The following SIPA1L1 variants were observed in gnomAD, a reference collection of about 807,000 sequenced individuals.
The protein encoded by SIPA1L1 is signal induced proliferation associated 1 like 1.
SIPA1L1 carries 26 observed loss-of-function variants against 162.7 expected under a neutral mutation model. That is an observed-to-expected ratio of 0.16 (90% confidence interval 0.12 to 0.22). SIPA1L1 has a LOEUF of 0.22. Ranked by LOEUF, SIPA1L1 falls within the 10% of genes least tolerant of loss-of-function variation. The pLI, the probability that SIPA1L1 is intolerant of heterozygous loss-of-function variation, is 1.00. For synonymous variants in SIPA1L1, 829 were observed against 837.4 expected (o/e 0.99, Z 0.17); for missense variants, 1,874 against 2,241.0 (o/e 0.84, Z 3.31).
At chr14:71,496,609 CA>C (rs1189331546) in intron 2 of SIPA1L1, among the ~76,000 whole-genome samples, 1 of 152,142 alleles carries the variant, frequency 6.6e-6, no homozygotes, top group East Asian at 1.9e-4. Flanking sequence ...TCAGTTAAGT[CA>C]GTATGGTTAA....
chr14:71,598,086 CA>C (rs574850989), intron 5 of SIPA1L1: 26 of 406,502 alleles, frequency 6.4e-5, no homozygotes, highest in African/African-American at 5.2e-4. Context: ...TGTTATACTC[CA>C]GACACTGAAT....
chr14:71,577,221 C>T (rs1248528287), intron 4 of SIPA1L1, among the ~76,000 whole-genome samples: 4 of 152,086 alleles, frequency 2.6e-5, no homozygotes, highest in Non-Finnish European at 5.9e-5. Flanking sequence ...TCCATATCCA[C>T]AGGATATAGA....
chr14:71,348,110 T>G (rs955860395), intron 2 of SIPA1L1, among the ~76,000 whole-genome samples: 7 of 152,144 alleles, frequency 4.6e-5, no homozygotes, highest in African/African-American at 1.4e-4. Context: ...TTAAAAAAAT[T>G]TTTGGAAGTA....
chr14:71,472,537 T>G (rs1486021619), intron 2 of SIPA1L1, among the ~76,000 whole-genome samples: 1 of 152,044 alleles, frequency 6.6e-6, no homozygotes, highest in Non-Finnish European at 1.5e-5. Context: ...TTGAAAGTTG[T>G]CATGATGCTT....
intron 10 of SIPA1L1, among the ~76,000 whole-genome samples, chr14:71,663,234 CAT>C (rs1172095483): frequency 1.6e-4 from 25 of 152,138 alleles, no homozygotes; most frequent in Non-Finnish European, 3.2e-4. Flanking sequence ...CATGAATTAA[CAT>C]GTGATTTCAG....
chr14:71,343,335 AGGCGCT>A (rs2035842940), intron 2 of SIPA1L1, among the ~76,000 whole-genome samples: 1 of 152,180 alleles, frequency 6.6e-6, no homozygotes, highest in Admixed American at 6.5e-5. Context: ...GTTTCATGTC[AGGCGCT>A]GGCTGTGGAT....
At chr14:71,672,648 C>T (rs758128540) in intron 12 of SIPA1L1, 26 bp downstream of exon 12, 1 of 1,605,656 alleles carries the variant, frequency 6.2e-7, no homozygotes, top group East Asian at 2.2e-5. Flanking sequence ...CAGCTGTGGG[C>T]CTGAGACTCG....
chr14:71,597,284 T>C (rs535787135), intron 5 of SIPA1L1, among the ~76,000 whole-genome samples: 95 of 152,286 alleles, frequency 6.2e-4, no homozygotes, highest in African/African-American at 2.2e-3. Flanking sequence ...ACCCGCCTTA[T>C]AGTTATCTTT....
chr14:71,578,153 C>A (rs1420541970), intron 4 of SIPA1L1, among the ~76,000 whole-genome samples: 1 of 152,052 alleles, frequency 6.6e-6, no homozygotes, highest in African/African-American at 2.4e-5. Context: ...TCATGATCTG[C>A]CCACCTTGGC....
At chr14:71,330,710 C>G (rs1318745370) in intron 2 of SIPA1L1, 11 of 879,986 alleles carry the variant, frequency 1.3e-5, no homozygotes, top group South Asian at 3.9e-5. Context: ...TTCTCATAGG[C>G]AGGCAGGAAA....
chr14:71,703,031 G>T (rs944386363), intron 15 of SIPA1L1, among the ~76,000 whole-genome samples: 3 of 152,200 alleles, frequency 2.0e-5, no homozygotes, highest in African/African-American at 7.2e-5. Context: ...GGGTGGAAGA[G>T]ATTTGCATTG....
chr14:71,615,948 A>G (rs1289818177), intron 5 of SIPA1L1, among the ~76,000 whole-genome samples: 2 of 152,216 alleles, frequency 1.3e-5, no homozygotes, highest in Non-Finnish European at 1.5e-5. Context: ...GTGAGCCAAG[A>G]TCACACCACT....
intron 7 of SIPA1L1, among the ~76,000 whole-genome samples, chr14:71,626,201 GCAAT>G (rs1567341479): frequency 2.6e-5 from 4 of 152,168 alleles, no homozygotes; most frequent in Admixed American, 2.0e-4. Flanking sequence ...TTAAAATTTG[GCAAT>G]CAGTCAGTCT....
intron 7 of SIPA1L1, among the ~76,000 whole-genome samples, chr14:71,635,301 A>G (rs2041027900): frequency 6.6e-6 from 1 of 152,222 alleles, no homozygotes; most frequent in Non-Finnish European, 1.5e-5. Flanking sequence ...ACAAACAGAA[A>G]AAAAGGGATC....
chr14:71,484,804 T>C (rs2048622474), intron 2 of SIPA1L1, among the ~76,000 whole-genome samples: 1 of 152,238 alleles, frequency 6.6e-6, no homozygotes, highest in African/African-American at 2.4e-5. Context: ...GGAATAATGA[T>C]TTGTTTTAAA....
chr14:71,734,794 A>C (rs1490573112), intron 21 of SIPA1L1, among the ~76,000 whole-genome samples: 1 of 152,206 alleles, frequency 6.6e-6, no homozygotes, highest in Non-Finnish European at 1.5e-5. Context: ...AATTTGATTT[A>C]GTTTTCTTGG....
At chr14:71,434,341 A>G (rs1297364344) in intron 2 of SIPA1L1, among the ~76,000 whole-genome samples, 1 of 152,272 alleles carries the variant, frequency 6.6e-6, no homozygotes, top group Admixed American at 6.5e-5. Flanking sequence ...AGCAATATGT[A>G]GAAGGATATG....
chr14:71,627,792 A>G (rs1172911492), intron 7 of SIPA1L1, among the ~76,000 whole-genome samples: 2 of 152,176 alleles, frequency 1.3e-5, no homozygotes, highest in Middle Eastern at 3.2e-3. Flanking sequence ...TGTTTTTCTT[A>G]CCTGTCATCC....
intron 2 of SIPA1L1, among the ~76,000 whole-genome samples, chr14:71,363,831 A>G (rs966105106): frequency 3.3e-5 from 5 of 152,228 alleles, no homozygotes; most frequent in African/African-American, 1.2e-4. Flanking sequence ...AACAAGGTAC[A>G]GATGATGTGT....
Sources: gnomAD v4.1 joint callset for allele counts (sites outside exome capture counted in the v4.1 genomes callset) on GRCh38, gnomAD v4.1.1 for gene constraint, MANE v1.5 for transcripts, NCBI Gene and HGNC (gene_info 2026-07-23, HGNC 2026-07-21) for gene names.